Variants in SPIRE1 observed in about 807,000 individuals in gnomAD.
SPIRE1 encodes the protein spire type actin nucleation factor 1.
In SPIRE1, 40 loss-of-function variants were observed where a neutral mutation model predicts 94.1. That is an observed-to-expected ratio of 0.43 (90% CI 0.33 to 0.55). The LOEUF (loss-of-function observed/expected upper bound fraction) is 0.55, where lower values mean the gene tolerates loss of function less well. SPIRE1 is among the 20% of genes least tolerant of loss of function. The pLI is 0.06. For synonymous variants in SPIRE1, 376 were observed against 371.7 expected, an observed-to-expected ratio of 1.01 and a Z score of -0.13; for missense variants, 838 against 975.2, an observed-to-expected ratio of 0.86 and a Z score of 1.87.
intron 2 of SPIRE1, among the ~76,000 whole-genome samples, chr18:12,618,158 G>A: frequency 6.6e-6 from 1 of 151,970 alleles, no homozygotes. Context: ...CTGGAGTGCA[G>A]TGGTGCGATC....
intron 9 of SPIRE1, 48 bp from the exon 10 acceptor site, chr18:12,479,919 T>C (rs1470164623): frequency 6.4e-7 from 1 of 1,567,694 alleles, no homozygotes; most frequent in Non-Finnish European, 8.7e-7. Context: ...AGAAAGGTTA[T>C]CTGTGTTGGA....
chr18:12,522,979 T>G (rs2034404616), intron 4 of SPIRE1, among the ~76,000 whole-genome samples: 1 of 152,138 alleles, frequency 6.6e-6, no homozygotes, highest in African/African-American at 2.4e-5. Context: ...AAGAACTACA[T>G]TTTGTAAGGC....
chr18:12,454,016 C>G (rs1368540579), intron 13 of SPIRE1, among the ~76,000 whole-genome samples: 3 of 152,106 alleles, frequency 2.0e-5, no homozygotes, highest in Non-Finnish European at 4.4e-5. Flanking sequence ...ATATCCCAAC[C>G]TCGTGATCTG....
upstream of SPIRE1, chr18:12,658,207 T>G (rs1202956790): frequency 1.6e-6 from 1 of 607,544 alleles, no homozygotes; most frequent in Non-Finnish European, 2.6e-6. Flanking sequence ...GCTCTGGAGG[T>G]GAGGACCAGG....
intron 1 of SPIRE1, among the ~76,000 whole-genome samples, chr18:12,648,733 T>C (rs2038292973): frequency 1.3e-5 from 2 of 151,368 alleles, no homozygotes; most frequent in Admixed American, 6.6e-5. Context: ...CTACTAAAAA[T>C]ACAAAATTAC....
intron 12 of SPIRE1, 49 bp downstream of exon 12, chr18:12,463,302 T>C (rs2031946476): frequency 1.3e-6 from 2 of 1,488,650 alleles, no homozygotes; most frequent in African/African-American, 1.4e-5. Flanking sequence ...AATGATTCTA[T>C]GTCTTCTAGC....
chr18:12,521,910 G>A (rs1390545514), intron 4 of SPIRE1, among the ~76,000 whole-genome samples: 1 of 151,990 alleles, frequency 6.6e-6, no homozygotes, highest in Non-Finnish European at 1.5e-5. Flanking sequence ...TGACTGCTCC[G>A]CTCACTAGCC....
intron 9 of SPIRE1, among the ~76,000 whole-genome samples, chr18:12,480,936 C>T (rs892787203): frequency 5.3e-5 from 8 of 152,164 alleles, no homozygotes; most frequent in African/African-American, 1.9e-4. Flanking sequence ...GTCTGTGAGG[C>T]TGCCGTAGAT....
In SPIRE1 at chr18:12,575,445, A is replaced by C. The variant is rs552185754; in HGVS notation, c.373-28541T>G. Among the ~76,000 whole-genome samples the C allele has an allele frequency of 8.7e-4, 132 of 152,270 alleles. 2 individuals carry two copies. The South Asian group carries it at 0.026, about 29-fold the overall frequency. ...CAGTAGCATGATCATAGCTCACTAT[A>C]ACATCAAATCCCTGCCTCAACCTCC... On this transcript the variant is annotated intron_variant, in intron 2 of 16. Transcript: ENST00000409402.
intron 1 of SPIRE1, among the ~76,000 whole-genome samples, chr18:12,638,216 G>A (rs2037990122): frequency 6.6e-6 from 1 of 152,132 alleles, no homozygotes; most frequent in African/African-American, 2.4e-5. Flanking sequence ...AGGCTGAGGT[G>A]GGAGGATTGT....
chr18:12,461,344 G>A (rs893770596), intron 12 of SPIRE1, among the ~76,000 whole-genome samples: 20 of 152,072 alleles, frequency 1.3e-4, no homozygotes, highest in African/African-American at 4.8e-4. Flanking sequence ...AAAGCTGAGT[G>A]AAGAAGAGAA....
chr18:12,528,043 C>T (rs1338851666), intron 4 of SPIRE1, among the ~76,000 whole-genome samples: 1 of 132,018 alleles, frequency 7.6e-6, no homozygotes, highest in African/African-American at 3.0e-5. Flanking sequence ...GGTGACAGAG[C>T]AAGACTCTAT....
At chr18:12,637,854 A>C (rs1425774513) in intron 1 of SPIRE1, among the ~76,000 whole-genome samples, 1 of 152,252 alleles carries the variant, frequency 6.6e-6, no homozygotes, top group African/African-American at 2.4e-5. Flanking sequence ...CCAAAAGGGC[A>C]TAAGAGTCTA....
At position 12,526,092 on chromosome 18, in the gene SPIRE1, C is replaced by CACACACACACACAGAG. The variant is rs765621602; in HGVS notation, c.729+9383_729+9384insCTCTGTGTGTGTGTGT. On this transcript the variant is annotated intron_variant, in intron 4 of 16. Coordinates refer to ENST00000409402, the MANE Select transcript of SPIRE1 (RefSeq NM_001128626.2). ...ACACACACACACACACACACACACA[C>CACACACACACACAGAG]AGAGATGTATCTGATGCCTGCAGAA... 3.4e-5 allele frequency among the ~76,000 whole-genome samples: 5 copies of CACACACACACACAGAG among 149,088 alleles called. 1 individual carries two copies. The highest frequency in any genetic ancestry group is 7.5e-5 in the Non-Finnish European group (5 of 67,048).
chr18:12,476,311 G>C (rs1025940758), intron 10 of SPIRE1, among the ~76,000 whole-genome samples: 1 of 151,932 alleles, frequency 6.6e-6, no homozygotes, highest in Non-Finnish European at 1.5e-5. Context: ...GGCTGAGGCA[G>C]GTGGATCACT....
At chr18:12,639,152 C>G (rs1483778444) in intron 1 of SPIRE1, among the ~76,000 whole-genome samples, 2 of 151,034 alleles carry the variant, frequency 1.3e-5, no homozygotes, top group African/African-American at 4.9e-5. Flanking sequence ...GACGGAGTCT[C>G]GCTCTGTCGC....
At chr18:12,615,123 G>A (rs1211658892) in intron 2 of SPIRE1, among the ~76,000 whole-genome samples, 3 of 151,034 alleles carry the variant, frequency 2.0e-5, no homozygotes, top group Non-Finnish European at 2.9e-5. Flanking sequence ...TCAGGAGTTC[G>A]AGACTAGCCT....
chr18:12,505,659 T>C (rs527759295), intron 6 of SPIRE1, among the ~76,000 whole-genome samples: 1 of 152,216 alleles, frequency 6.6e-6, no homozygotes, highest in Non-Finnish European at 1.5e-5. Context: ...ATGAACTAGA[T>C]GTTCCGCATC....
At chr18:12,463,003 C>T (rs1409769674) in intron 12 of SPIRE1, among the ~76,000 whole-genome samples, 2 of 151,788 alleles carry the variant, frequency 1.3e-5, no homozygotes, top group Non-Finnish European at 2.9e-5. Context: ...ACAAATGATC[C>T]TCTCACACCT....
Sources: gnomAD v4.1 joint callset for allele counts (sites outside exome capture counted in the v4.1 genomes callset) on GRCh38, gnomAD v4.1.1 for gene constraint, MANE v1.5 for transcripts, NCBI Gene and HGNC (gene_info 2026-07-23, HGNC 2026-07-21) for gene names.